ANO1: variants seen among roughly 807,000 people sequenced by gnomAD.
ANO1 encodes the protein anoctamin 1, also known as anoctamin-1.
ANO1 carries 59 observed loss-of-function variants against 124.0 expected under a neutral mutation model. The observed-to-expected ratio is 0.48, with a 90% confidence interval of 0.39 to 0.59. The LOEUF (loss-of-function observed/expected upper bound fraction) is 0.59. ANO1 is among the 20% of genes least tolerant of loss of function. The probability of loss-of-function intolerance (pLI) is 0.00; values close to 1 mark genes in which losing one functional copy is unlikely to be tolerated. For synonymous variants in ANO1, 529 were observed against 532.0 expected (o/e 0.99, Z 0.08); for missense variants, 1,059 against 1,328.0 (o/e 0.80, Z 3.15).
At chr11:69,977,059 T>C in the ANO1 span, among the ~76,000 whole-genome samples, 2 of 152,206 alleles carry the variant, frequency 1.3e-5, no homozygotes, top group Non-Finnish European at 2.9e-5. Context: ...TCTCTTCTGC[T>C]TCTCTAAGCG....
intron 1 of ANO1, among the ~76,000 whole-genome samples, chr11:70,059,749 A>G (rs920442062): frequency 6.6e-6 from 1 of 152,190 alleles, no homozygotes; most frequent in South Asian, 2.1e-4. Flanking sequence ...AGAAGTGATC[A>G]TGAAGGAAAG....
At chr11:70,117,895 T>A (rs1325170122) in intron 8 of ANO1, among the ~76,000 whole-genome samples, 1 of 152,202 alleles carries the variant, frequency 6.6e-6, no homozygotes, top group Non-Finnish European at 1.5e-5. Flanking sequence ...GAAGATGCTA[T>A]CTAACTTAGC....
intron 1 of ANO1, among the ~76,000 whole-genome samples, chr11:70,053,520 T>C (rs1555006503): frequency 6.6e-6 from 1 of 152,208 alleles, no homozygotes; most frequent in Non-Finnish European, 1.5e-5. Context: ...TTTTTCTCCT[T>C]TATTTTGTTA....
chr11:70,027,029 C>T (rs1856920558), intron 1 of ANO1, among the ~76,000 whole-genome samples: 1 of 152,196 alleles, frequency 6.6e-6, no homozygotes, highest in Non-Finnish European at 1.5e-5. Context: ...ATGTGACCTC[C>T]TCAGTCAGGT....
intron 6 of ANO1, among the ~76,000 whole-genome samples, chr11:70,109,803 T>C (rs1330478376): frequency 1.3e-5 from 2 of 152,072 alleles, no homozygotes; most frequent in Non-Finnish European, 2.9e-5. Context: ...TCTGCTCGGG[T>C]GGTCCCTGGG....
chr11:70,045,130 T>C (rs1857239248), intron 1 of ANO1, among the ~76,000 whole-genome samples: 1 of 152,008 alleles, frequency 6.6e-6, no homozygotes, highest in South Asian at 2.1e-4. Context: ...TAGAACAAAC[T>C]GATAAAGAAA....
At chr11:70,104,714 G>A (rs1295902646) in intron 4 of ANO1, among the ~76,000 whole-genome samples, 1 of 152,186 alleles carries the variant, frequency 6.6e-6, no homozygotes, top group Non-Finnish European at 1.5e-5. Context: ...GCCTCACTGG[G>A]CGGAGCTGGA....
At chr11:70,047,648 T>C (rs1285957518) in intron 1 of ANO1, among the ~76,000 whole-genome samples, 3 of 152,244 alleles carry the variant, frequency 2.0e-5, no homozygotes, top group Non-Finnish European at 4.4e-5. Flanking sequence ...GTTTGAATCA[T>C]AATGATTCTT....
chr11:70,013,385 T>C (rs1329887387), intron 1 of ANO1, among the ~76,000 whole-genome samples: 3 of 137,950 alleles, frequency 2.2e-5, no homozygotes, highest in Admixed American at 2.0e-4. Flanking sequence ...AGGCTTGCCT[T>C]TTTTTTAAAA....
intron 11 of ANO1, among the ~76,000 whole-genome samples, chr11:70,134,204 A>G (rs2046868363): frequency 6.6e-6 from 1 of 152,056 alleles, no homozygotes. Context: ...CTTCCTCCAC[A>G]TGGTCGCCAG....
chr11:70,011,412 C>T (rs1341806101), intron 1 of ANO1, among the ~76,000 whole-genome samples: 1 of 152,190 alleles, frequency 6.6e-6, no homozygotes, highest in Non-Finnish European at 1.5e-5. Context: ...CTTTGGGCTT[C>T]TGGTACCCAC....
chr11:70,126,206 G>A lies in ANO1; in HGVS notation c.1097+11G>A, dbSNP rs1236766562. ...TGAAAACATCCCCAGGTAGGCGGCAGCCCACCCCCACCACCCCGCAGTACA... is the reference window on the plus strand; with the variant it reads ...TGAAAACATCCCCAGGTAGGCGGCAACCCACCCCCACCACCCCGCAGTACA... On this transcript the variant is annotated intron_variant, in intron 10 of 25. Transcript: ENST00000355303. The A allele has an allele frequency of 6.2e-7, 1 of 1,609,092 alleles. No individual in the cohort carries two copies.
intron 22 of ANO1, among the ~76,000 whole-genome samples, chr11:70,173,903 T>G (rs1486046142): frequency 6.6e-6 from 1 of 151,728 alleles, no homozygotes; most frequent in African/African-American, 2.4e-5. Flanking sequence ...ATACAAAAAT[T>G]AGCTGGGCAT....
intron 11 of ANO1, among the ~76,000 whole-genome samples, chr11:70,146,764 T>G (rs1260718313): frequency 6.6e-6 from 1 of 152,000 alleles, no homozygotes; most frequent in Non-Finnish European, 1.5e-5. Context: ...AAACCACCAG[T>G]GTAAGTCCAA....
intron 1 of ANO1, among the ~76,000 whole-genome samples, chr11:70,069,065 C>A (rs1555008985): frequency 6.6e-6 from 1 of 152,248 alleles, no homozygotes; most frequent in African/African-American, 2.4e-5. Context: ...GTCCCCCTGC[C>A]TTGTGAAACA....
intron 1 of ANO1, among the ~76,000 whole-genome samples, chr11:70,009,487 G>A (rs1856551660): frequency 6.6e-6 from 1 of 152,204 alleles, no homozygotes; most frequent in Admixed American, 6.5e-5. Flanking sequence ...CCATCCTCAT[G>A]TGGGTCCAGC....
intron 2 of ANO1, among the ~76,000 whole-genome samples, chr11:70,094,342 T>G (rs1459757382): frequency 1.3e-5 from 2 of 152,154 alleles, no homozygotes; most frequent in African/African-American, 4.8e-5. Context: ...GCCTTGTGGA[T>G]GTGGGCAGGT....
At chr11:70,096,888 T>G (rs1184610316) in intron 2 of ANO1, among the ~76,000 whole-genome samples, 1 of 151,722 alleles carries the variant, frequency 6.6e-6, no homozygotes, top group African/African-American at 2.4e-5. Flanking sequence ...ATAATAATAA[T>G]CAAGGGGTGT....
At chr11:69,971,525 GA>G in the ANO1 span, among the ~76,000 whole-genome samples, 20 of 152,206 alleles carry the variant, frequency 1.3e-4, no homozygotes, top group African/African-American at 3.1e-4. Context: ...AAGTTTCTAA[GA>G]AAAAAACTTT....
Sources: gnomAD v4.1 joint callset for allele counts (sites outside exome capture counted in the v4.1 genomes callset) on GRCh38, gnomAD v4.1.1 for gene constraint, MANE v1.5 for transcripts, NCBI Gene and HGNC (gene_info 2026-07-23, HGNC 2026-07-21) for gene names.